Variants in FHIP1A observed in about 807,000 individuals in gnomAD.
FHIP1A encodes FHF complex subunit HOOK-interacting protein 1A.
Under a neutral mutation model 88.6 loss-of-function variants are expected in FHIP1A, and 61 were observed. That is an observed-to-expected ratio of 0.69 (90% CI 0.56 to 0.85). The LOEUF is 0.85. Ranked by LOEUF, FHIP1A falls within the 40% of genes least tolerant of loss-of-function variation. The pLI is 0.00. For missense variants in FHIP1A, 1,154 were observed against 1,273.5 expected, an observed-to-expected ratio of 0.91 and a Z score of 1.43; for synonymous variants, 478 against 496.0, an observed-to-expected ratio of 0.96 and a Z score of 0.48.
chr4:151,506,354 G>A (rs11735957), intron 3 of FHIP1A, among the ~76,000 whole-genome samples: 78,982 of 152,046 alleles, frequency 0.52, 20,826 homozygotes, highest in African/African-American at 0.55. Context: ...TTCACTAAAT[G>A]AAAAGAAGTA....
chr4:151,493,541 T>C (rs983034724), intron 3 of FHIP1A, among the ~76,000 whole-genome samples: 4 of 152,034 alleles, frequency 2.6e-5, no homozygotes, highest in African/African-American at 9.7e-5. Flanking sequence ...TACAGACCAA[T>C]ATCCCTGATT....
chr4:151,639,155 T>C (rs1448514224), intron 9 of FHIP1A, among the ~76,000 whole-genome samples: 1 of 152,268 alleles, frequency 6.6e-6, no homozygotes, highest in East Asian at 1.9e-4. Context: ...GCTTTTGATA[T>C]ATAATTTCTA....
intron 2 of FHIP1A, among the ~76,000 whole-genome samples, chr4:151,475,430 G>T (rs1729662767): frequency 1.3e-5 from 2 of 152,210 alleles, no homozygotes; most frequent in Admixed American, 1.3e-4. Context: ...TTCATGGGGG[G>T]TAGACAGGAA....
chr4:151,652,380 G>A (rs1320589142), intron 11 of FHIP1A, among the ~76,000 whole-genome samples: 1 of 152,126 alleles, frequency 6.6e-6, no homozygotes, highest in South Asian at 2.1e-4. Flanking sequence ...ACTTCTGAGT[G>A]TGTTCTGTAG....
chr4:151,414,970 T>G (rs1732829137), intron 1 of FHIP1A, among the ~76,000 whole-genome samples: 1 of 152,160 alleles, frequency 6.6e-6, no homozygotes, highest in South Asian at 2.1e-4. Context: ...ATAGATATAT[T>G]TCCCTTCATT....
intron 5 of FHIP1A, among the ~76,000 whole-genome samples, chr4:151,578,730 C>T (rs1333130859): frequency 6.6e-6 from 1 of 152,158 alleles, no homozygotes; most frequent in African/African-American, 2.4e-5. Context: ...TGTGGTCCAG[C>T]AATTGCACTC....
intron 3 of FHIP1A, among the ~76,000 whole-genome samples, chr4:151,520,086 A>G (rs1731398596): frequency 6.6e-6 from 1 of 152,122 alleles, no homozygotes. Context: ...TTTAATTTTG[A>G]TAAAGTAATC....
chr4:151,598,481 A>G (rs962200065), intron 7 of FHIP1A, among the ~76,000 whole-genome samples: 1 of 152,100 alleles, frequency 6.6e-6, no homozygotes, highest in Non-Finnish European at 1.5e-5. Flanking sequence ...CTATTTTGCT[A>G]TCTTGCCAGC....
At chr4:151,491,451 T>C (rs4696092) in intron 3 of FHIP1A, among the ~76,000 whole-genome samples, 78,952 of 151,884 alleles carry the variant, frequency 0.52, 20,815 homozygotes, top group African/African-American at 0.55. Context: ...GAGAACTTGC[T>C]ACTACCAAGC....
intron 7 of FHIP1A, among the ~76,000 whole-genome samples, chr4:151,615,260 T>TTGCCTTGATGTCTTTTTCTCAAAATAG (rs58527014): frequency 6.6e-6 from 1 of 151,854 alleles, no homozygotes; most frequent in Non-Finnish European, 1.5e-5. Context: ...GTTAGAATTC[T>TTGCCTTGATGTCTTTTTCTCAAAATAG]TGTAAAAACC....
chr4:151,566,403 A>G, intron 4 of FHIP1A, 39 bp downstream of exon 4: 1 of 1,193,992 alleles, frequency 8.4e-7, no homozygotes, highest in Non-Finnish European at 1.2e-6. Context: ...GGTCTCAGTA[A>G]CCCCAGGGGC....
intron 8 of FHIP1A, among the ~76,000 whole-genome samples, chr4:151,633,970 A>G (rs1340865947): frequency 6.6e-6 from 1 of 151,936 alleles, no homozygotes; most frequent in Non-Finnish European, 1.5e-5. Flanking sequence ...TTTAAATTGG[A>G]TAGAAAGAAG....
At chr4:151,448,792 A>T (rs1728694634) in intron 1 of FHIP1A, among the ~76,000 whole-genome samples, 1 of 152,006 alleles carries the variant, frequency 6.6e-6, no homozygotes, top group African/African-American at 2.4e-5. Flanking sequence ...CCCCACTTTC[A>T]CTTCTTTTGG....
chr4:151,494,515 T>G (rs925262092), intron 3 of FHIP1A, among the ~76,000 whole-genome samples: 1 of 152,172 alleles, frequency 6.6e-6, no homozygotes, highest in Non-Finnish European at 1.5e-5. Flanking sequence ...CTCTCTATTC[T>G]GTTCCATTGC....
chr4:151,621,140 A>G (rs1181413526), intron 7 of FHIP1A, among the ~76,000 whole-genome samples: 1 of 152,154 alleles, frequency 6.6e-6, no homozygotes, highest in African/African-American at 2.4e-5. Flanking sequence ...TTCTTGCTAA[A>G]TTTTCTCTCA....
At chr4:151,418,446 T>G (rs189396818) in intron 1 of FHIP1A, among the ~76,000 whole-genome samples, 203 of 152,242 alleles carry the variant, frequency 1.3e-3, no homozygotes, top group African/African-American at 4.7e-3. Flanking sequence ...TGGAGAGTGT[T>G]TTTTTTGTCC....
chr4:151,424,953 G>C (rs988524879), intron 1 of FHIP1A, among the ~76,000 whole-genome samples: 1 of 152,134 alleles, frequency 6.6e-6, no homozygotes. Flanking sequence ...TGAAATAATA[G>C]ATTTAGAGAA....
chr4:151,463,287 G>A (rs1240028323), intron 2 of FHIP1A, among the ~76,000 whole-genome samples: 2 of 152,146 alleles, frequency 1.3e-5, no homozygotes, highest in African/African-American at 4.8e-5. Context: ...TCCTACCTCT[G>A]GTGATGCCCT....
chr4:151,431,311 C>G (rs1733582410), intron 1 of FHIP1A, among the ~76,000 whole-genome samples: 2 of 152,146 alleles, frequency 1.3e-5, no homozygotes, highest in Non-Finnish European at 2.9e-5. Context: ...CTCCCTACCT[C>G]CAAATGCAAT....
Sources: gnomAD v4.1 joint callset for allele counts (sites outside exome capture counted in the v4.1 genomes callset) on GRCh38, gnomAD v4.1.1 for gene constraint, MANE v1.5 for transcripts, NCBI Gene and HGNC (gene_info 2026-07-23, HGNC 2026-07-21) for gene names.